The following UTY variants were observed in gnomAD, a reference collection of about 807,000 sequenced individuals.
UTY encodes the protein ubiquitously transcribed tetratricopeptide repeat containing, Y-linked.
A neutral mutation model predicts 32.5 loss-of-function variants in UTY; 12 were observed. The ratio of observed to expected loss-of-function variants is 0.37; its 90% confidence interval spans 0.24 to 0.60. The LOEUF is 0.60. UTY is among the 20% of genes least tolerant of loss of function. UTY has a pLI of 0.69. For synonymous variants in UTY, 131 were observed against 103.4 expected (o/e 1.27, Z -1.62); for missense variants, 303 against 299.2 (o/e 1.01, Z -0.09).
chrY:13,255,051 G>A (rs2148391699), intron 28 of UTY, among the ~76,000 whole-genome samples: 1 of 33,274 alleles, frequency 3.0e-5, no homozygotes, highest in African/African-American at 1.2e-4. Flanking sequence ...GGCCATCCAC[G>A]TGCCCAGTTC....
chrY:13,280,930 T>TA (rs2056977738), intron 27 of UTY, among the ~76,000 whole-genome samples: 5 of 24,629 alleles, frequency 2.0e-4, no homozygotes, highest in South Asian at 8.8e-4. Flanking sequence ...GTAACATACT[T>TA]AAAAAAAAAA....
intron 26 of UTY, among the ~76,000 whole-genome samples, chrY:13,298,739 G>A (rs773271465): frequency 2.4e-4 from 3 of 12,749 alleles, no homozygotes; most frequent in African/African-American, 1.1e-3. Context: ...GGGCGACAGA[G>A]TGAGACTCCA....
intron 25 of UTY, among the ~76,000 whole-genome samples, chrY:13,299,733 T>C (rs999307220): frequency 5.0e-4 from 17 of 33,838 alleles, no homozygotes; most frequent in Non-Finnish European, 1.2e-3. Context: ...TGCAGGTGAA[T>C]AGTGATAGAC....
chrY:13,313,678 G>A (rs760076509), intron 21 of UTY, among the ~76,000 whole-genome samples: 1 of 33,479 alleles, frequency 3.0e-5, no homozygotes, highest in East Asian at 7.7e-4. Context: ...CCCTGTACCC[G>A]GTTACTTCAG....
chrY:13,341,488 A>G (rs2061483670), intron 17 of UTY, among the ~76,000 whole-genome samples: 1 of 32,761 alleles, frequency 3.1e-5, no homozygotes, highest in South Asian at 6.8e-4. Context: ...CAGATGGTAC[A>G]CTGGAGAATG....
At chrY:13,423,344 G>GA in intron 4 of UTY, among the ~76,000 whole-genome samples, 1 of 33,220 alleles carries the variant, frequency 3.0e-5, no homozygotes, top group Non-Finnish European at 7.4e-5. Context: ...GGCTAAAAAG[G>GA]AAACTGATAT....
chrY:13,403,691 A>C (rs1038354217), intron 6 of UTY, among the ~76,000 whole-genome samples: 20 of 33,338 alleles, frequency 6.0e-4, no homozygotes, highest in African/African-American at 2.4e-3. Flanking sequence ...TCAGAAAACA[A>C]CAATGTGGGT....
intron 21 of UTY, among the ~76,000 whole-genome samples, chrY:13,307,257 C>T: frequency 3.0e-5 from 1 of 33,351 alleles, no homozygotes; most frequent in Non-Finnish European, 7.4e-5. Context: ...AACATTTTCA[C>T]ATTTTTATTT....
In UTY at chrY:13,309,882, T is replaced by C; in HGVS notation, c.3277-3632A>G. On this transcript the variant is annotated intron_variant, in intron 21 of 29. Coordinates refer to ENST00000545955, the MANE Select transcript of UTY (RefSeq NM_001258249.2). ...AAGGACTGTCTAAAATACTGGTCTCTGTTTTGCCTAATACTAATGCTTCTC... is the reference window on the plus strand; with the variant it reads ...AAGGACTGTCTAAAATACTGGTCTCCGTTTTGCCTAATACTAATGCTTCTC... Among the ~76,000 whole-genome samples the C allele has an allele frequency of 9.1e-5, 3 of 33,026 alleles. No individual in the cohort carries two copies. The South Asian group carries it at 2.1e-3, about 23-fold the overall frequency. 88.6% of individuals were successfully genotyped at this position (33,026 alleles called of 37,273 possible).
intron 6 of UTY, among the ~76,000 whole-genome samples, 162 bp downstream of exon 6, chrY:13,410,831 C>A (rs2070817529): frequency 2.9e-5 from 1 of 34,158 alleles, no homozygotes; most frequent in African/African-American, 1.1e-4. Context: ...AAACTCATTT[C>A]CAACCTTATT....
chrY:13,413,606 C>T, intron 5 of UTY, among the ~76,000 whole-genome samples: 1 of 34,972 alleles, frequency 2.9e-5, no homozygotes, highest in South Asian at 6.1e-4. Flanking sequence ...CCCTTTGGGG[C>T]TTTGTGGTTT....
chrY:13,409,917 T>C, intron 6 of UTY, among the ~76,000 whole-genome samples: 2 of 34,021 alleles, frequency 5.9e-5, no homozygotes, highest in South Asian at 1.3e-3. Flanking sequence ...AGCTCACAGA[T>C]GTACAACAAA....
intron 28 of UTY, among the ~76,000 whole-genome samples, chrY:13,255,641 CA>C (rs2054657288): frequency 6.0e-5 from 2 of 33,600 alleles, no homozygotes; most frequent in Non-Finnish European, 1.5e-4. Context: ...TTCAGTTATA[CA>C]ACCTGAGAGC....
chrY:13,476,444 T>TA (rs776786166), intron 2 of UTY, among the ~76,000 whole-genome samples: 2,676 of 33,315 alleles, frequency 0.08, no homozygotes, highest in Non-Finnish European at 0.03. Context: ...TATTACAGTA[T>TA]AAAAAACCAC....
intron 21 of UTY, among the ~76,000 whole-genome samples, chrY:13,319,793 G>C (rs2059703473): frequency 3.0e-5 from 1 of 33,212 alleles, no homozygotes; most frequent in Non-Finnish European, 7.5e-5. Flanking sequence ...ATAAAATTTT[G>C]GATAACAAAT....
At chrY:13,282,302 A>T in intron 27 of UTY, among the ~76,000 whole-genome samples, 1 of 33,422 alleles carries the variant, frequency 3.0e-5, no homozygotes, top group African/African-American at 1.2e-4. Flanking sequence ...CAACATAATG[A>T]GGGAAGAGAG....
At chrY:13,477,873 T>C in intron 2 of UTY, among the ~76,000 whole-genome samples, 1 of 34,088 alleles carries the variant, frequency 2.9e-5, no homozygotes, top group Non-Finnish European at 7.3e-5. Context: ...TAACATGTTT[T>C]TCATAAAGCT....
At chrY:13,292,749 T>A in intron 27 of UTY, among the ~76,000 whole-genome samples, 1 of 32,712 alleles carries the variant, frequency 3.1e-5, no homozygotes, top group African/African-American at 1.2e-4. Context: ...CAAAGAAAAA[T>A]ACCTATTTTC....
At chrY:13,458,893 ATT>A (rs2077116455) in intron 3 of UTY, among the ~76,000 whole-genome samples, 1 of 32,617 alleles carries the variant, frequency 3.1e-5, no homozygotes, top group African/African-American at 1.2e-4. Flanking sequence ...GGAAACCATC[ATT>A]CTCAGCAAAC....
Sources: gnomAD v4.1 joint callset for allele counts (sites outside exome capture counted in the v4.1 genomes callset) on GRCh38, gnomAD v4.1.1 for gene constraint, MANE v1.5 for transcripts, NCBI Gene and HGNC (gene_info 2026-07-23, HGNC 2026-07-21) for gene names.